Variants in CFI observed in about 807,000 individuals in gnomAD.
CFI encodes complement factor I.
Under a neutral mutation model 78.8 loss-of-function variants are expected in CFI, and 66 were observed. The ratio of observed to expected loss-of-function variants is 0.84; its 90% CI spans 0.69 to 1.03. The LOEUF (loss-of-function observed/expected upper bound fraction) is 1.03, where lower values mean the gene tolerates loss of function less well. CFI is among the 50% of genes least tolerant of loss of function. CFI has a pLI of 0.00. For missense variants in CFI, 706 were observed against 704.5 expected (o/e 1.00, Z -0.02); for synonymous variants, 250 against 232.6 (o/e 1.07, Z -0.68).
chr4:109,736,370 C>A (rs182340244), downstream of CFI, among the ~76,000 whole-genome samples: 593 of 152,216 alleles, frequency 3.9e-3, 3 homozygotes, highest in South Asian at 0.022. Flanking sequence ...TTCTTTATTT[C>A]TTTAATTTCC....
chr4:109,789,171 A>C (rs1202905698), intron 1 of CFI, among the ~76,000 whole-genome samples: 1 of 152,022 alleles, frequency 6.6e-6, no homozygotes, highest in Non-Finnish European at 1.5e-5. Context: ...AAAAATAAAA[A>C]AATTAAAGAA....
chr4:109,742,216 C>G (rs1165611558), intron 12 of CFI: 1 of 396,810 alleles, frequency 2.5e-6, no homozygotes, highest in Non-Finnish European at 4.6e-6. Context: ...TTAGTAAAAG[C>G]TGGGATATAA....
chr4:109,756,310 A>C (rs564902549), intron 7 of CFI, among the ~76,000 whole-genome samples: 1,098 of 2,862 alleles, frequency 0.38, 10 homozygotes, highest in African/African-American at 0.41. Context: ...GGGAGGAGGA[A>C]GGAAAAGAGG....
At chr4:109,761,329 G>A (rs1186286946) in intron 4 of CFI, among the ~76,000 whole-genome samples, 188 bp downstream of exon 4, 1 of 152,162 alleles carries the variant, frequency 6.6e-6, no homozygotes, top group African/African-American at 2.4e-5. Context: ...GAGAGGCAAT[G>A]TTTGAATGGC....
Position 109,744,623 on chromosome 4 carries a change from G to A in CFI, c.1429+1599C>T, listed in dbSNP as rs373623316. Among the ~76,000 whole-genome samples, 10 of 152,182 alleles carry A rather than the reference G, an allele frequency of 6.6e-5. No individual in the cohort carries two copies. The East Asian group carries it at 1.4e-3, about 21-fold the overall frequency. Reference sequence around the variant, plus strand: ...ATCTAGTAACTTCTCCTACTCTTCCGCTTTCAGATCCAGGAGTTAAGACAG... The same window carrying A: ...ATCTAGTAACTTCTCCTACTCTTCCACTTTCAGATCCAGGAGTTAAGACAG... On this transcript the variant is annotated intron_variant, in intron 11 of 12. Transcript: ENST00000394634.
rs115780371 is a variant in CFI at position 109,746,445 on chromosome 4, G to A, written c.1206C>T (p.Pro402=). ...ATTCAATTACTATACGTTTAAGGTC[G>A]GGGTGTATCCAGTCTACTACTGTTG... The part of the protein sequence containing the change: ...IWTTVVDWIH[P]DLKRIVIEYV... The change falls in exon 11 of 13, where the codon CCC becomes CCT. Residue 402 remains proline (P), a synonymous_variant. Transcript: ENST00000394634. The A allele has an allele frequency of 1.2e-3, 1,869 of 1,613,542 alleles. 16 individuals are homozygous for A. The African/African-American group carries it at 0.021, about 18-fold the overall frequency.
At chr4:109,759,069 G>A (rs1022020124) in intron 6 of CFI, among the ~76,000 whole-genome samples, 5 of 152,130 alleles carry the variant, frequency 3.3e-5, no homozygotes, top group Non-Finnish European at 7.4e-5. Context: ...CTCTAGCCTA[G>A]GCAATAAAGC....
intron 7 of CFI, among the ~76,000 whole-genome samples, chr4:109,756,916 A>AGAAG (rs1726293148): frequency 7.6e-6 from 1 of 131,098 alleles, no homozygotes; most frequent in Admixed American, 7.4e-5. Flanking sequence ...AAAGAAAGAA[A>AGAAG]GAAAGAAAGA....
chr4:109,746,155 C>T lies in CFI; in HGVS notation c.1429+67G>A. ...TCTCTGAGTGCTAGGAAATTAGCTC[C>T]TATACATTTCTATTCTCTTTCATTT... On this transcript the variant is annotated intron_variant, in intron 11 of 12. Coordinates refer to ENST00000394634, the MANE Select transcript of CFI (RefSeq NM_000204.5). 2.6e-6 allele frequency: 4 copies of T among 1,549,688 alleles called. No individual in the cohort carries two copies. In the South Asian group the frequency reaches 4.5e-5, roughly 18 times the overall value.
rs1289249411 is a variant in CFI, at chr4:109,752,493, TTC to T, written c.913_914del (p.Glu305AsnfsTer5). The T allele has an allele frequency of 6.2e-7, 1 of 1,612,980 alleles. No homozygotes were observed. The highest frequency in any genetic ancestry group is 8.5e-7 in the Non-Finnish European group (1 of 1,179,356). ...CTGCATCCATGTCAGCAGTCAAAATTTCTGTTTCTTCTATGATAAAACAAAAG... is the reference window on the plus strand; with the variant it reads ...CTGCATCCATGTCAGCAGTCAAAATTTGTTTCTTCTATGATAAAACAAAAG... ...GFASVTQEET[E>X]ILTADMDAER... On this transcript the variant is annotated frameshift_variant, in exon 8 of 13. Coordinates refer to ENST00000394634, the MANE Select transcript of CFI (RefSeq NM_000204.5). LOFTEE classifies it high-confidence loss of function.
intron 1 of CFI, among the ~76,000 whole-genome samples, chr4:109,785,397 G>C (rs1032327970): frequency 6.6e-6 from 1 of 151,636 alleles, no homozygotes; most frequent in Non-Finnish European, 1.5e-5. Flanking sequence ...TGAAAATTTT[G>C]TTTGTTTTAA....
intron 1 of CFI, among the ~76,000 whole-genome samples, chr4:109,782,525 A>G (rs924856543): frequency 6.6e-6 from 1 of 152,120 alleles, no homozygotes; most frequent in Non-Finnish European, 1.5e-5. Context: ...GAAATCATAG[A>G]TGACAAAAAC....
rs574152696 is a variant in CFI at position 109,796,029 on chromosome 4, T to C, written c.57+5886A>G. Among the ~76,000 whole-genome samples, 5 of 152,266 alleles carry C rather than the reference T, an allele frequency of 3.3e-5. No individual in the cohort carries two copies. In the South Asian group the frequency reaches 1.0e-3, roughly 32 times the overall value. ...AAAAGGATCACAAAGATATCTAACC[T>C]AAAAAGGTCTAGACTGAGACACATT... On this transcript the variant is annotated intron_variant, in intron 1 of 12. Transcript: ENST00000394634.
intron 1 of CFI, among the ~76,000 whole-genome samples, 159 bp downstream of exon 1, chr4:109,801,756 T>C (rs1732791336): frequency 6.6e-6 from 1 of 152,232 alleles, no homozygotes; most frequent in African/African-American, 2.4e-5. Flanking sequence ...TTTATCAAGA[T>C]ATTAACATAA....
chr4:109,737,279 T>C (rs1407411503), downstream of CFI, among the ~76,000 whole-genome samples: 1 of 152,130 alleles, frequency 6.6e-6, no homozygotes, highest in Non-Finnish European at 1.5e-5. Flanking sequence ...CACCCTGGGC[T>C]CCAGTCACTA....
chr4:109,743,581 C>T (rs192097354), intron 11 of CFI, among the ~76,000 whole-genome samples: 21 of 152,292 alleles, frequency 1.4e-4, no homozygotes, highest in Non-Finnish European at 2.8e-4. Context: ...GCATTGCTAT[C>T]TTGCAGACAT....
chr4:109,776,681 A>T (rs1363335996), intron 1 of CFI, among the ~76,000 whole-genome samples: 1 of 152,246 alleles, frequency 6.6e-6, no homozygotes, highest in Admixed American at 6.5e-5. Flanking sequence ...CAGATTCACC[A>T]AAGTTGAAAT....
At chr4:109,784,880 G>A (rs574118621) in intron 1 of CFI, among the ~76,000 whole-genome samples, 2 of 124,572 alleles carry the variant, frequency 1.6e-5, no homozygotes, top group East Asian at 4.8e-4. Flanking sequence ...CATCCAGATG[G>A]CCTGAAGCAA....
intron 1 of CFI, among the ~76,000 whole-genome samples, chr4:109,780,371 A>G (rs1729846568): frequency 1.3e-5 from 2 of 152,220 alleles, no homozygotes; most frequent in Admixed American, 6.5e-5. Flanking sequence ...GAAGACATTT[A>G]TGCAGCCAAC....
Sources: gnomAD v4.1 joint callset for allele counts (sites outside exome capture counted in the v4.1 genomes callset) on GRCh38, gnomAD v4.1.1 for gene constraint, MANE v1.5 for transcripts, NCBI Gene and HGNC (gene_info 2026-07-23, HGNC 2026-07-21) for gene names.